TCF20: variants seen among roughly 807,000 people sequenced by gnomAD.
TCF20 encodes SPRE-binding protein.
TCF20 carries 3 observed loss-of-function variants against 148.6 expected under a neutral mutation model. The ratio of observed to expected loss-of-function variants is 0.02; its 90% CI spans 0.01 to 0.05. The LOEUF (loss-of-function observed/expected upper bound fraction) is 0.05. Ranked by LOEUF, TCF20 falls within the 10% of genes least tolerant of loss-of-function variation. The pLI, the probability that TCF20 is intolerant of heterozygous loss-of-function variation, is 1.00. For missense variants in TCF20, 2,350 were observed against 2,429.3 expected (o/e 0.97, Z 0.69); for synonymous variants, 1,049 against 909.5 (o/e 1.15, Z -2.76).
At chr22:42,328,246 C>A (rs1005843964) in intron 1 of TCF20, among the ~76,000 whole-genome samples, 5 of 152,200 alleles carry the variant, frequency 3.3e-5, no homozygotes, top group Non-Finnish European at 7.3e-5. Context: ...TCCAGCCAGA[C>A]TGGACACAGC....
intron 3 of TCF20, among the ~76,000 whole-genome samples, chr22:42,172,075 C>T (rs1162587833): frequency 6.6e-6 from 1 of 152,238 alleles, no homozygotes; most frequent in African/African-American, 2.4e-5. Context: ...CCAGATACAT[C>T]TGGAAATGAA....
At chr22:42,173,308 C>T (rs1475993757) in intron 3 of TCF20, among the ~76,000 whole-genome samples, 1 of 151,396 alleles carries the variant, frequency 6.6e-6, no homozygotes, top group Non-Finnish European at 1.5e-5. Context: ...GAGCCAAATC[C>T]TGTGCCTATG....
chr22:42,241,099 G>A (rs1230165538), intron 1 of TCF20, among the ~76,000 whole-genome samples: 6 of 152,140 alleles, frequency 3.9e-5, no homozygotes, highest in African/African-American at 9.7e-5. Context: ...CAGCTGATCT[G>A]CCTGCCTCAG....
At chr22:42,309,282 C>T (rs1181115588) in intron 1 of TCF20, among the ~76,000 whole-genome samples, 1 of 152,108 alleles carries the variant, frequency 6.6e-6, no homozygotes, top group Non-Finnish European at 1.5e-5. Context: ...CAGGAGCCCC[C>T]GCCTGCCCTG....
chr22:42,245,180 C>G (rs1046671850), intron 1 of TCF20, among the ~76,000 whole-genome samples: 11 of 152,148 alleles, frequency 7.2e-5, no homozygotes, highest in Admixed American at 7.2e-4. Flanking sequence ...TAGTCTTCCC[C>G]TTTAGTTATC....
chr22:42,339,768 C>A (rs527518620), intron 1 of TCF20, among the ~76,000 whole-genome samples: 2 of 152,328 alleles, frequency 1.3e-5, no homozygotes, highest in East Asian at 3.9e-4. Flanking sequence ...CTATCCCAAG[C>A]CTGGGGCAGG....
At chr22:42,262,974 T>C (rs1392930594) in intron 1 of TCF20, among the ~76,000 whole-genome samples, 1 of 152,130 alleles carries the variant, frequency 6.6e-6, no homozygotes, top group Non-Finnish European at 1.5e-5. Flanking sequence ...TCTTAGTACA[T>C]AGCACAACAT....
At chr22:42,258,971 T>G (rs1925890551) in intron 1 of TCF20, among the ~76,000 whole-genome samples, 2 of 152,238 alleles carry the variant, frequency 1.3e-5, no homozygotes. Context: ...CCCAATTTAC[T>G]GTCTTCACTT....
In TCF20 at chr22:42,160,496, G is replaced by A. The variant is rs1292826672; in HGVS notation, c.*907C>T. On this transcript the variant is annotated 3_prime_UTR_variant, in exon 6 of 6. Transcript: ENST00000677622. ...GCTGCCTGGAATGTGCTGAGGACAG[G>A]GGGCCCCAGAGGAGGGTCATCCCTT... 6.6e-6 allele frequency: 1 copy of A among 152,564 alleles called. No individual in the cohort carries two copies. The highest frequency in any genetic ancestry group is 1.5e-5 in the Non-Finnish European group (1 of 68,082). 9.5% of individuals were successfully genotyped at this position (152,564 alleles called of 1,614,324 possible).
chr22:42,183,894 G>A (rs185457606), intron 2 of TCF20, among the ~76,000 whole-genome samples: 32 of 151,552 alleles, frequency 2.1e-4, no homozygotes, highest in Admixed American at 1.6e-3. Flanking sequence ...TCAGCCTCCC[G>A]AGTAGATGGG....
At chr22:42,219,374 A>AAAAAAAAAAAAAAAAAAAAT (rs1922135662) in intron 1 of TCF20, among the ~76,000 whole-genome samples, 1 of 136,014 alleles carries the variant, frequency 7.4e-6, no homozygotes, top group Non-Finnish European at 1.6e-5. Context: ...AAAAAAAAAA[A>AAAAAAAAAAAAAAAAAAAAT]AAAAAAAGCT....
rs71184878 is a variant in TCF20, at chr22:42,251,492, CTTTTTTTTTTTTTTT to C, written c.-37+18832_-37+18846del. Among the ~76,000 whole-genome samples, 11 of 47,008 alleles carry C rather than the reference CTTTTTTTTTTTTTTT, an allele frequency of 2.3e-4. 1 individual carries two copies. Among genetic ancestry groups the C allele is most frequent in the Admixed American group, 1.6e-3 (5 of 3,178 alleles). 30.8% of individuals were successfully genotyped at this position (47,008 alleles called of 152,430 possible). On this transcript the variant is annotated intron_variant, in intron 1 of 5. Coordinates refer to ENST00000677622, the MANE Select transcript of TCF20 (RefSeq NM_001378418.1). ...ACTCTGTACCTGGCCAAACAAGTGT[CTTTTTTTTTTTTTTT>C]TTTTTTTTTTTTTGAGACAGAATCT...
At position 42,213,986 on chromosome 22, in the gene TCF20, T is replaced by G. The variant is rs774849418; in HGVS notation, c.1320A>C (p.Leu440=). ...TCAGTCGCTTTTCTGGTACCCCTTC[T>G]AGTCCAAACCCTTTGAAGCCTGCAG... The part of the protein sequence containing the change: ...SHAAGFKGFG[L]EGVPEKRLTD... The change falls in exon 2 of 6, where the codon CTA becomes CTC. Residue 440 remains leucine (L), a synonymous_variant. Transcript: ENST00000677622. The G allele has an allele frequency of 6.2e-7, 1 of 1,614,102 alleles. No homozygotes were observed. The highest frequency in any genetic ancestry group is 1.7e-5 in the Admixed American group (1 of 60,008).
intron 1 of TCF20, among the ~76,000 whole-genome samples, chr22:42,261,269 G>T (rs1331276886): frequency 6.6e-6 from 1 of 152,026 alleles, no homozygotes; most frequent in African/African-American, 2.4e-5. Context: ...GTTTAGTTTT[G>T]GTTATTATTT....
intron 1 of TCF20, among the ~76,000 whole-genome samples, chr22:42,258,862 A>G (rs1425469515): frequency 6.6e-6 from 1 of 152,168 alleles, no homozygotes; most frequent in Non-Finnish European, 1.5e-5. Context: ...TATTTATATT[A>G]AAAGAAAAAA....
intron 1 of TCF20, among the ~76,000 whole-genome samples, chr22:42,318,942 A>G (rs1927683675): frequency 6.6e-6 from 1 of 152,114 alleles, no homozygotes; most frequent in Non-Finnish European, 1.5e-5. Flanking sequence ...AATGGAGCTT[A>G]GGGCCCTGGC....
chr22:42,191,036 C>CAA (rs1182344523), intron 2 of TCF20, among the ~76,000 whole-genome samples: 1 of 152,032 alleles, frequency 6.6e-6, no homozygotes, highest in African/African-American at 2.4e-5. Context: ...AAAGGAGGAA[C>CAA]AAAAAACAAT....
intron 1 of TCF20, among the ~76,000 whole-genome samples, chr22:42,321,500 G>A (rs1048208295): frequency 8.0e-5 from 12 of 150,186 alleles, no homozygotes; most frequent in African/African-American, 2.9e-4. Flanking sequence ...AGCTTTCCAG[G>A]GCTCTTGTCC....
chr22:42,231,686 T>C (rs1006357507), intron 1 of TCF20, among the ~76,000 whole-genome samples: 10 of 152,038 alleles, frequency 6.6e-5, no homozygotes, highest in African/African-American at 2.4e-4. Context: ...TCCCAGCATT[T>C]TGAGAGGCCC....
Sources: allele counts gnomAD v4.1 joint callset (sites outside exome capture counted in the v4.1 genomes callset), GRCh38; gene constraint gnomAD v4.1.1; transcripts MANE v1.5; gene names NCBI Gene and HGNC (gene_info 2026-07-23, HGNC 2026-07-21).